Variants in DLGAP1 observed in about 807,000 individuals in gnomAD.
DLGAP1 encodes the protein disks large-associated protein 1.
A neutral mutation model predicts 90.8 loss-of-function variants in DLGAP1; 11 were observed. That is an observed-to-expected ratio of 0.12 (90% CI 0.08 to 0.20). DLGAP1 has a LOEUF of 0.20. Ranked by LOEUF, DLGAP1 falls within the 10% of genes least tolerant of loss-of-function variation. The pLI is 1.00. For missense variants in DLGAP1, 1,050 were observed against 1,333.8 expected, an observed-to-expected ratio of 0.79 and a Z score of 3.31; for synonymous variants, 558 against 540.7, an observed-to-expected ratio of 1.03 and a Z score of -0.44.
chr18:4,108,720 A>C (rs1269734466), intron 2 of DLGAP1, among the ~76,000 whole-genome samples: 1 of 152,242 alleles, frequency 6.6e-6, no homozygotes, highest in Non-Finnish European at 1.5e-5. Context: ...GGCAGCATTT[A>C]ATAAAGGTGC....
At chr18:4,003,384 A>G (rs1237192067) in intron 3 of DLGAP1, among the ~76,000 whole-genome samples, 1 of 151,318 alleles carries the variant, frequency 6.6e-6, no homozygotes, top group East Asian at 1.9e-4. Context: ...CAGGAGCCCA[A>G]GGATGTAATT....
chr18:3,848,438 C>T lies in DLGAP1; in HGVS notation c.957+30674G>A, dbSNP rs73940234. On this transcript the variant is annotated intron_variant, in intron 4 of 12. Transcript: ENST00000315677. ...AAGAGAAATTTGAACTCCAGCAAAA[C>T]CTCTTCTATGCAGATGACTCATGCA... Among the ~76,000 whole-genome samples the T allele has an allele frequency of 7.5e-3, 1,147 of 152,226 alleles. 13 individuals are homozygous for T. Among genetic ancestry groups the T allele is most frequent in the African/African-American group, 0.027 (1,109 of 41,534 alleles).
At position 4,375,939 on chromosome 18, in the gene DLGAP1, A is replaced by G. The variant is rs140288094; in HGVS notation, c.-267+79067T>C. On this transcript the variant is annotated intron_variant, in intron 1 of 12. Coordinates refer to ENST00000315677, the MANE Select transcript of DLGAP1 (RefSeq NM_004746.4). ...TTCTCTTCATCAGTTTAAACTCACA[A>G]TTTATAACTGTGATATATAGACATT... 7.6e-3 allele frequency among the ~76,000 whole-genome samples: 1,163 copies of G among 152,298 alleles called. 70 individuals carry two copies. The highest frequency in any genetic ancestry group is 0.072 in the Admixed American group (1,100 of 15,276).
intron 3 of DLGAP1, among the ~76,000 whole-genome samples, chr18:3,992,360 A>T (rs2073986759): frequency 6.6e-6 from 1 of 152,154 alleles, no homozygotes; most frequent in African/African-American, 2.4e-5. Flanking sequence ...CAAAATTAAT[A>T]ATTCACATAA....
intron 7 of DLGAP1, among the ~76,000 whole-genome samples, chr18:3,718,034 C>T (rs999769949): frequency 3.9e-5 from 6 of 152,024 alleles, no homozygotes; most frequent in South Asian, 4.2e-4. Flanking sequence ...TTTCTGAGAA[C>T]GAGAACAGCT....
intron 2 of DLGAP1, among the ~76,000 whole-genome samples, chr18:4,139,007 T>C (rs193063241): frequency 6.6e-6 from 1 of 152,172 alleles, no homozygotes; most frequent in African/African-American, 2.4e-5. Flanking sequence ...TCTGATTCTA[T>C]TTATTTGGGT....
intron 5 of DLGAP1, among the ~76,000 whole-genome samples, chr18:3,805,845 C>T (rs2066535647): frequency 6.6e-6 from 1 of 152,196 alleles, no homozygotes; most frequent in South Asian, 2.1e-4. Flanking sequence ...CTAACAATTT[C>T]CAAATTAATT....
At chr18:4,193,024 G>A (rs2144746910) in intron 1 of DLGAP1, among the ~76,000 whole-genome samples, 1 of 152,316 alleles carries the variant, frequency 6.6e-6, no homozygotes, top group South Asian at 2.1e-4. Context: ...CTTTCTTTAT[G>A]GACATTCACT....
rs372204524 is a variant in DLGAP1, at chr18:3,784,683, C to T, written c.1172+29376G>A. ...GCTCCTGACGAGGAAAAAAGGGGGA[C>T]GTTCCAGGCCCAGTCTGGATCCAGT... On this transcript the variant is annotated intron_variant, in intron 5 of 12. Transcript: ENST00000315677. Among the ~76,000 whole-genome samples the T allele has an allele frequency of 7.5e-4, 114 of 152,298 alleles. 1 individual carries two copies. Among genetic ancestry groups the T allele is most frequent in the Middle Eastern group, 6.8e-3 (2 of 294 alleles).
At chr18:3,697,987 T>C (rs959641791) in intron 7 of DLGAP1, among the ~76,000 whole-genome samples, 4 of 152,230 alleles carry the variant, frequency 2.6e-5, no homozygotes, top group Non-Finnish European at 5.9e-5. Context: ...GTCTGTTTTA[T>C]CAGAGACTAG....
chr18:4,325,653 G>A (rs558813922), intron 1 of DLGAP1, among the ~76,000 whole-genome samples: 20 of 152,146 alleles, frequency 1.3e-4, no homozygotes, highest in South Asian at 6.2e-4. Flanking sequence ...CATGGTACTC[G>A]TACAAAAATA....
At chr18:4,370,342 A>C (rs2081889217) in intron 1 of DLGAP1, among the ~76,000 whole-genome samples, 1 of 152,226 alleles carries the variant, frequency 6.6e-6, no homozygotes, top group Non-Finnish European at 1.5e-5. Flanking sequence ...GGAGAGGTTC[A>C]CTAATCCATT....
chr18:3,933,670 C>G (rs1333076830), intron 3 of DLGAP1, among the ~76,000 whole-genome samples: 2 of 152,202 alleles, frequency 1.3e-5, no homozygotes, highest in East Asian at 3.9e-4. Flanking sequence ...TGGCCTTAAT[C>G]ACCCTTGCAT....
chr18:3,865,663 G>T (rs2070339527), intron 4 of DLGAP1, among the ~76,000 whole-genome samples: 1 of 152,188 alleles, frequency 6.6e-6, no homozygotes, highest in Non-Finnish European at 1.5e-5. Flanking sequence ...AAAGCAAACA[G>T]ATTGTGGAAT....
chr18:4,067,066 A>T (rs1007086184), intron 2 of DLGAP1, among the ~76,000 whole-genome samples: 5 of 152,148 alleles, frequency 3.3e-5, no homozygotes, highest in African/African-American at 9.7e-5. Context: ...TTAGCAAATT[A>T]ACATAGGAAG....
At chr18:4,337,972 G>A (rs1163240718) in intron 1 of DLGAP1, among the ~76,000 whole-genome samples, 2 of 152,024 alleles carry the variant, frequency 1.3e-5, no homozygotes, top group African/African-American at 4.8e-5. Flanking sequence ...AATTATCAGT[G>A]GCATTTGAAA....
At position 3,534,092 on chromosome 18, in the gene DLGAP1, G is replaced by T. The variant is rs772507162; in HGVS notation, c.2479+102C>A. 684 of 1,338,162 alleles carry T rather than the reference G, an allele frequency of 5.1e-4. 1 individual carries two copies. The highest frequency in any genetic ancestry group is 6.3e-4 in the Non-Finnish European group (613 of 972,698). The allele number at this position is 1,338,162 out of a possible 1,614,324, so 82.9% of individuals were successfully genotyped here. On this transcript the variant is annotated intron_variant, in intron 10 of 12. Transcript: ENST00000315677. The stretch of plus-strand genomic sequence containing the variant: ...CTGGTTTGGGGTGTGGAACGTCAAG[G>T]TTATACAAGTGAAGCTGGCAGAGAA...
chr18:3,573,573 A>G (rs1341146862), intron 8 of DLGAP1, among the ~76,000 whole-genome samples: 1 of 152,182 alleles, frequency 6.6e-6, no homozygotes, highest in Non-Finnish European at 1.5e-5. Flanking sequence ...TATTTGCTTC[A>G]TGAATGTTGA....
At chr18:4,174,631 C>A (rs1471400068) in intron 1 of DLGAP1, among the ~76,000 whole-genome samples, 2 of 152,164 alleles carry the variant, frequency 1.3e-5, no homozygotes, top group South Asian at 2.1e-4. Flanking sequence ...CCGCACCCAA[C>A]CTTATTTTAC....
Sources: allele counts gnomAD v4.1 joint callset (sites outside exome capture counted in the v4.1 genomes callset), GRCh38; gene constraint gnomAD v4.1.1; transcripts MANE v1.5; gene names NCBI Gene and HGNC (gene_info 2026-07-23, HGNC 2026-07-21).